Variants in FAM227A observed in about 807,000 individuals in gnomAD.
FAM227A encodes family with sequence similarity 227 member A.
FAM227A carries 80 observed loss-of-function variants against 74.7 expected under a neutral mutation model. The ratio of observed to expected loss-of-function variants is 1.07; its 90% CI spans 0.89 to 1.29. FAM227A has a LOEUF of 1.29. Ranked by LOEUF, FAM227A falls within the 50% of genes most tolerant of loss-of-function variation. The probability of loss-of-function intolerance (pLI) is 0.00; values close to 1 mark genes in which losing one functional copy is unlikely to be tolerated. For synonymous variants in FAM227A, 237 were observed against 241.8 expected (o/e 0.98, Z 0.19); for missense variants, 654 against 683.4 (o/e 0.96, Z 0.48).
rs932715952 is a variant in FAM227A, at chr22:38,597,478, G to A, written c.1380-122C>T. On this transcript the variant is annotated intron_variant, in intron 14 of 16. Coordinates refer to ENST00000535113, the MANE Select transcript of FAM227A (RefSeq NM_001013647.2). ...GAGGACAGAACAGGGAAAATGCCCT[G>A]CGTTTCTGGATAAGATACCTGAAAT... 5.3e-6 allele frequency: 5 copies of A among 944,086 alleles called. No individual in the cohort carries two copies. In the African/African-American group the frequency reaches 8.1e-5, roughly 15 times the overall value. The allele number at this position is 944,086 out of a possible 1,614,324, so 58.5% of individuals were successfully genotyped here. A position where few individuals can be genotyped will look rare whatever the true frequency, so the allele number is the denominator to read the frequency against.
At chr22:38,652,609 G>A (rs149761166) in intron 1 of FAM227A, among the ~76,000 whole-genome samples, 2,141 of 138,772 alleles carry the variant, frequency 0.015, 48 homozygotes, top group African/African-American at 0.051. Context: ...AAAAAAGGTC[G>A]GGCGTGGTGG....
chr22:38,616,262 T>C (rs1364743176), intron 11 of FAM227A, among the ~76,000 whole-genome samples: 2 of 152,118 alleles, frequency 1.3e-5, no homozygotes, highest in Non-Finnish European at 2.9e-5. Flanking sequence ...AGTGACTCAG[T>C]CCAAGCCAGT....
At chr22:38,613,310 A>C (rs867764979) in intron 11 of FAM227A, among the ~76,000 whole-genome samples, 2 of 43,986 alleles carry the variant, frequency 4.5e-5, no homozygotes, top group African/African-American at 2.1e-4. Context: ...TATAATATAT[A>C]ACATATAATA....
At chr22:38,641,695 G>C (rs1483097778) in intron 3 of FAM227A, among the ~76,000 whole-genome samples, 1 of 126,422 alleles carries the variant, frequency 7.9e-6, no homozygotes, top group Non-Finnish European at 1.7e-5. Context: ...CTTTAGTAGC[G>C]ACTTGTTGGT....
chr22:38,601,674 C>T (rs977585671), intron 13 of FAM227A, among the ~76,000 whole-genome samples: 25 of 151,850 alleles, frequency 1.6e-4, no homozygotes, highest in African/African-American at 5.8e-4. Context: ...CTGATGGGGC[C>T]CAGGACTTGG....
intron 11 of FAM227A, among the ~76,000 whole-genome samples, chr22:38,613,216 G>T: frequency 1.0e-4 from 5 of 49,200 alleles, no homozygotes; most frequent in South Asian, 5.1e-4. Context: ...ATATATCTAT[G>T]CTGTATATAT....
intron 11 of FAM227A, among the ~76,000 whole-genome samples, chr22:38,615,551 G>A (rs773604891): frequency 6.6e-6 from 1 of 152,264 alleles, no homozygotes; most frequent in Admixed American, 6.5e-5. Context: ...AGAGGACAGC[G>A]AGTGCAAAGG....
In FAM227A at chr22:38,582,521, C is replaced by T. The variant is rs1251359715; in HGVS notation, c.*3604G>A. On this transcript the variant is annotated 3_prime_UTR_variant, in exon 17 of 17. Transcript: ENST00000535113. ...TCTACCCCGCTTCCCTTATAAAGGG[C>T]AAATAATTCTTCCCCATAATTTTCC... 8.8e-7 allele frequency: 1 copy of T among 1,133,102 alleles called. No homozygotes were observed. Among genetic ancestry groups the T allele is most frequent in the African/African-American group, 1.6e-5 (1 of 64,110 alleles). 70.2% of individuals were successfully genotyped at this position (1,133,102 alleles called of 1,614,324 possible). A position where few individuals can be genotyped will look rare whatever the true frequency, so the allele number is the denominator to read the frequency against.
chr22:38,636,505 G>C lies in FAM227A; in HGVS notation c.465C>G (p.Phe155Leu), dbSNP rs1346935457. ...GGACCACGTTGCCCACCATGTCACAGAAGTCCACGCCATTCGGAAGCTTGT... is the reference window on the plus strand; with the variant it reads ...GGACCACGTTGCCCACCATGTCACACAAGTCCACGCCATTCGGAAGCTTGT... ...KPNKLPNGVD[F>L]CDMVGNVVRA... Residue 155 changes from phenylalanine to leucine, a missense_variant, in exon 6 of 17, where the codon TTC (phenylalanine) becomes TTG (leucine). Phe to Leu is a conservative substitution (Grantham distance 22). Coordinates refer to ENST00000535113, the MANE Select transcript of FAM227A (RefSeq NM_001013647.2). The C allele has an allele frequency of 2.6e-6, 4 of 1,551,552 alleles. No homozygotes were observed. The highest frequency in any genetic ancestry group is 1.4e-5 in the African/African-American group (1 of 73,036).
chr22:38,617,708 A>G (rs1216888658), intron 11 of FAM227A, among the ~76,000 whole-genome samples: 4 of 152,192 alleles, frequency 2.6e-5, no homozygotes, highest in Admixed American at 2.6e-4. Flanking sequence ...GGGTTTAAAG[A>G]TTAGCGGGGA....
At chr22:38,618,721 T>A (rs114472461) in intron 11 of FAM227A, among the ~76,000 whole-genome samples, 5 of 152,260 alleles carry the variant, frequency 3.3e-5, no homozygotes, top group African/African-American at 1.2e-4. Flanking sequence ...TGACTATATA[T>A]CTCCTAGACC....
chr22:38,597,066 GACC>G (rs1228245658), intron 15 of FAM227A, 135 bp downstream of exon 15: 4 of 751,292 alleles, frequency 5.3e-6, no homozygotes, highest in African/African-American at 1.8e-5. Context: ...TTTATAATCT[GACC>G]ACAAGAAAGC....
Position 38,584,113 on chromosome 22 carries a change from T to A in FAM227A, c.*2012A>T, listed in dbSNP as rs987248436. On this transcript the variant is annotated 3_prime_UTR_variant, in exon 17 of 17. Transcript: ENST00000535113. ...GCACACTGGCTTCATCTGCCTTGGTTTTTCTCAGATTCCACGCAGCTTTCT... is the reference window on the plus strand; with the variant it reads ...GCACACTGGCTTCATCTGCCTTGGTATTTCTCAGATTCCACGCAGCTTTCT... 9.9e-5 allele frequency: 15 copies of A among 152,262 alleles called. No homozygotes were observed. The highest frequency in any genetic ancestry group is 3.6e-4 in the African/African-American group (15 of 41,448). 9.4% of individuals were successfully genotyped at this position (152,262 alleles called of 1,614,324 possible).
chr22:38,597,277 A>G lies in FAM227A; in HGVS notation c.1459T>C (p.Leu487=). The part of the protein sequence containing the change: ...MKKRKDNLNQ[L]YQHHWTEWNY... ...CATTCAGTCCAATGATGCTGGTACA[A>G]CTGATTGAGGTTGTCTTTCCGCTTC... The change falls in exon 15 of 17, where the codon TTG becomes CTG. Residue 487 remains leucine (L), a synonymous_variant. Transcript: ENST00000535113. The G allele has an allele frequency of 4.5e-6, 7 of 1,552,084 alleles. No individual in the cohort carries two copies. Among genetic ancestry groups the G allele is most frequent in the Non-Finnish European group, 6.1e-6 (7 of 1,147,054 alleles).
chr22:38,600,745 A>C (rs1019936066), intron 13 of FAM227A, among the ~76,000 whole-genome samples: 1 of 152,068 alleles, frequency 6.6e-6, no homozygotes, highest in African/African-American at 2.4e-5. Flanking sequence ...CAAGATCAAG[A>C]GATTGAGACC....
chr22:38,582,308 C>A lies in FAM227A; in HGVS notation c.*3817G>T, dbSNP rs1386021629. On this transcript the variant is annotated 3_prime_UTR_variant, in exon 17 of 17. Coordinates refer to ENST00000535113, the MANE Select transcript of FAM227A (RefSeq NM_001013647.2). Reference sequence around the variant, plus strand: ...TTTCATCATCAATTCATAAGCAATTCAAAATCAGGACTATAGGATTTTAAC... The same window carrying A: ...TTTCATCATCAATTCATAAGCAATTAAAAATCAGGACTATAGGATTTTAAC... 7.8e-6 allele frequency: 12 copies of A among 1,534,236 alleles called. No individual in the cohort carries two copies. In the Middle Eastern group the frequency reaches 6.9e-4, roughly 88 times the overall value.
rs568713757 is a variant in FAM227A, at chr22:38,600,029, A to G, written c.1222-108T>C. ...TCATGTCCTTTGATCCAGTAATTCC[A>G]GTTTTAGGATGCACCCTAAGAAAAT... On this transcript the variant is annotated intron_variant, in intron 13 of 16. Coordinates refer to ENST00000535113, the MANE Select transcript of FAM227A (RefSeq NM_001013647.2). 264 of 1,058,054 alleles carry G rather than the reference A, an allele frequency of 2.5e-4. 2 individuals are homozygous for G. In the South Asian group the frequency reaches 3.9e-3, roughly 16 times the overall value. The allele number at this position is 1,058,054 out of a possible 1,614,324, so 65.5% of individuals were successfully genotyped here.
rs1442707139 is a variant in FAM227A, at chr22:38,628,345, G to A, written c.622-3C>T. 2 of 1,542,092 alleles carry A rather than the reference G, an allele frequency of 1.3e-6. No individual in the cohort carries two copies. The highest frequency in any genetic ancestry group is 1.8e-6 in the Non-Finnish European group (2 of 1,138,814). On this transcript the variant is annotated splice_region_variant and splice_polypyrimidine_tract_variant and intron_variant, in intron 7 of 16. Coordinates refer to ENST00000535113, the MANE Select transcript of FAM227A (RefSeq NM_001013647.2). ...TTATTCTGGAGCTCCTTGTTTGGCT[G>A]CCAGGAATAGAAATGAAAAAGGAAT... is the stretch of plus-strand genomic sequence containing the variant.
intron 3 of FAM227A, among the ~76,000 whole-genome samples, chr22:38,641,516 A>G (rs1189903566): frequency 6.8e-6 from 1 of 147,064 alleles, no homozygotes; most frequent in Non-Finnish European, 1.5e-5. Flanking sequence ...GCACCATTGC[A>G]CTCCAGCCTG....
Sources: gnomAD v4.1 joint callset for allele counts (sites outside exome capture counted in the v4.1 genomes callset) on GRCh38, gnomAD v4.1.1 for gene constraint, MANE v1.5 for transcripts, NCBI Gene and HGNC (gene_info 2026-07-23, HGNC 2026-07-21) for gene names.